LHX6: variants seen among roughly 807,000 people sequenced by gnomAD.
LHX6 encodes the protein LIM homeobox 6.
LHX6 carries 15 observed loss-of-function variants against 47.1 expected under a neutral mutation model. That is an observed-to-expected ratio of 0.32 (90% CI 0.21 to 0.49). LHX6 has a LOEUF of 0.49. LHX6 is among the 20% of genes least tolerant of loss of function. The pLI is 0.99. For missense variants in LHX6, 404 were observed against 539.6 expected, an observed-to-expected ratio of 0.75 and a Z score of 2.49; for synonymous variants, 242 against 233.5, an observed-to-expected ratio of 1.04 and a Z score of -0.33.
intron 5 of LHX6, among the ~76,000 whole-genome samples, chr9:122,215,836 A>G (rs1414491198): frequency 1.3e-5 from 2 of 152,140 alleles, no homozygotes; most frequent in African/African-American, 4.8e-5. Flanking sequence ...TGGGACCTAG[A>G]AGTTGAGGCA....
chr9:122,219,888 G>A (rs116765204), intron 4 of LHX6, among the ~76,000 whole-genome samples: 1 of 152,214 alleles, frequency 6.6e-6, no homozygotes, highest in Non-Finnish European at 1.5e-5. Context: ...GCAGCGCCGC[G>A]TCCTCTCTCC....
At chr9:122,216,665 G>T (rs1255805182) in intron 5 of LHX6, among the ~76,000 whole-genome samples, 1 of 152,200 alleles carries the variant, frequency 6.6e-6, no homozygotes, top group African/African-American at 2.4e-5. Flanking sequence ...GCCCAAGCCT[G>T]GTCCCAGGCA....
chr9:122,207,219 G>T (rs1047816124), intron 9 of LHX6, among the ~76,000 whole-genome samples: 1 of 152,188 alleles, frequency 6.6e-6, no homozygotes, highest in Admixed American at 6.5e-5. Context: ...GATGAGCACT[G>T]CTCTGTCTGA....
At chr9:122,207,115 A>AGC (rs1564431630) in intron 9 of LHX6, among the ~76,000 whole-genome samples, 4 of 152,162 alleles carry the variant, frequency 2.6e-5, no homozygotes, top group African/African-American at 9.7e-5. Flanking sequence ...GCCAGGTCTA[A>AGC]TAGGATGAAT....
chr9:122,207,625 G>A (rs1280840525), intron 9 of LHX6, among the ~76,000 whole-genome samples: 1 of 152,098 alleles, frequency 6.6e-6, no homozygotes, highest in Admixed American at 6.5e-5. Context: ...AGGATTTTAC[G>A]TTAGGCACTA....
At position 122,228,528 on chromosome 9, in the gene LHX6, C is replaced by T. The variant is rs116647157; in HGVS notation, c.84+129G>A. On this transcript the variant is annotated intron_variant, in intron 1 of 9. Coordinates refer to ENST00000394319, the MANE Select transcript of LHX6 (RefSeq NM_014368.5). ...GCGCGCGCGCTCCCACACTCACAAG[C>T]ACACACTCACAGGCGCACCCTCGTA... 6.3e-3 allele frequency: 8,625 copies of T among 1,364,584 alleles called. 366 individuals are homozygous for T. In the African/African-American group the frequency reaches 0.11, roughly 18 times the overall value. 84.5% of individuals were successfully genotyped at this position (1,364,584 alleles called of 1,614,324 possible). A position where few individuals can be genotyped will look rare whatever the true frequency, so the allele number is the denominator to read the frequency against.
intron 1 of LHX6, chr9:122,227,843 CAG>C (rs1831175134): frequency 2.9e-6 from 1 of 347,036 alleles, no homozygotes; most frequent in African/African-American, 2.2e-5. Flanking sequence ...AAGAGGTAGC[CAG>C]AGTGTCAATT....
intron 4 of LHX6, among the ~76,000 whole-genome samples, chr9:122,225,931 C>T (rs1302751894): frequency 6.6e-6 from 1 of 152,194 alleles, no homozygotes; most frequent in Non-Finnish European, 1.5e-5. Context: ...GTCCAGCCCG[C>T]GAGAGACCCC....
chr9:122,213,960 C>A lies in LHX6; in HGVS notation c.879+14G>T. On this transcript the variant is annotated intron_variant, in intron 7 of 9. Coordinates refer to ENST00000394319, the MANE Select transcript of LHX6 (RefSeq NM_014368.5). The surrounding 1 kb of genome is among the most constrained non-coding windows in gnomAD (Gnocchi z 5.5). ...GTGCCCGCGGTCCCCAGGCCCCGCC[C>A]ACCCCCGTCCCACCTGGATGACTCT... 1 of 1,531,766 alleles carries A rather than the reference C, an allele frequency of 6.5e-7. No individual in the cohort carries two copies. The highest frequency in any genetic ancestry group is 1.1e-5 in the South Asian group (1 of 89,414). 94.9% of individuals were successfully genotyped at this position (1,531,766 alleles called of 1,614,324 possible).
intron 5 of LHX6, among the ~76,000 whole-genome samples, chr9:122,216,501 T>C (rs1830598068): frequency 6.6e-6 from 1 of 152,226 alleles, no homozygotes; most frequent in Non-Finnish European, 1.5e-5. Context: ...CAACACAGTA[T>C]GGGAGAGCCT....
intron 4 of LHX6, among the ~76,000 whole-genome samples, chr9:122,218,823 T>G (rs761302907): frequency 1.9e-4 from 29 of 152,294 alleles, no homozygotes; most frequent in Non-Finnish European, 3.7e-4. Flanking sequence ...CAGGTCTTTA[T>G]GGCCTCCTCT....
chr9:122,217,049 G>A lies in LHX6; in HGVS notation c.682+19C>T, dbSNP rs942973360. On this transcript the variant is annotated intron_variant, in intron 5 of 9. Transcript: ENST00000394319. The surrounding 1 kb of genome is among the most constrained non-coding windows in gnomAD (Gnocchi z 4.9). ...GAAAGGGCTGGGGGCAGAGGTGCCA[G>A]GCGGAGCAGGTTGGGTACCGTTCTC... The A allele has an allele frequency of 2.5e-6, 4 of 1,607,852 alleles. No individual in the cohort carries two copies. Among genetic ancestry groups the A allele is most frequent in the African/African-American group, 2.7e-5 (2 of 74,798 alleles).
At position 122,204,792 on chromosome 9, in the gene LHX6, G is replaced by T; in HGVS notation, c.1159-12C>A. 6.4e-7 allele frequency: 1 copy of T among 1,573,508 alleles called. No homozygotes were observed. Among genetic ancestry groups the T allele is most frequent in the Non-Finnish European group, 8.6e-7 (1 of 1,158,390 alleles). ...TGAAAAAGGATGACCTGCAAGAGGA[G>T]GGCATGGGAGGTGGCTGAGCTGGGG... On this transcript the variant is annotated splice_polypyrimidine_tract_variant and intron_variant, in intron 9 of 9. Transcript: ENST00000394319.
chr9:122,223,551 T>C (rs1371413513), intron 4 of LHX6, among the ~76,000 whole-genome samples: 2 of 152,144 alleles, frequency 1.3e-5, no homozygotes, highest in Non-Finnish European at 2.9e-5. Context: ...CTTTGGCAGC[T>C]CTGGGAGACA....
intron 4 of LHX6, chr9:122,221,176 C>T: frequency 1.0e-6 from 1 of 985,416 alleles, no homozygotes; most frequent in Non-Finnish European, 1.2e-6. Context: ...TACCTATTCT[C>T]TCTGCTCCTT....
At chr9:122,227,521 T>C (rs1287376943) in intron 1 of LHX6, 41 bp from the exon 2 acceptor site, 5 of 1,522,902 alleles carry the variant, frequency 3.3e-6, no homozygotes, top group Admixed American at 2.0e-5. Context: ...CGGCGGCTGC[T>C]GAACTGGCTC....
rs1438175515 is a variant in LHX6, at chr9:122,214,798, C to A, written c.683-415G>T. Among the ~76,000 whole-genome samples the A allele has an allele frequency of 6.6e-6, 1 of 152,000 alleles. No individual in the cohort carries two copies. Among genetic ancestry groups the A allele is most frequent in the African/African-American group, 2.4e-5 (1 of 41,344 alleles). Reference sequence around the variant, plus strand: ...GAGGAGATAGGAAGCAAGCAAGTAACGGAACTATGCTCCTAATTTTATAAA... The same window carrying A: ...GAGGAGATAGGAAGCAAGCAAGTAAAGGAACTATGCTCCTAATTTTATAAA... On this transcript the variant is annotated intron_variant, in intron 5 of 9. Transcript: ENST00000394319. The surrounding 1 kb of genome is among the most constrained non-coding windows in gnomAD (Gnocchi z 4.6).
intron 1 of LHX6, 50 bp downstream of exon 1, chr9:122,228,607 C>A: frequency 7.5e-7 from 1 of 1,324,946 alleles, no homozygotes; most frequent in Non-Finnish European, 9.6e-7. Context: ...GGGTCCCGGA[C>A]CCTGCCCGAC....
Position 122,221,360 on chromosome 9 carries a change from C to G in LHX6, c.462-4072G>C, listed in dbSNP as rs550804100. 5.1e-4 allele frequency: 499 copies of G among 985,662 alleles called. 1 individual carries two copies. Among genetic ancestry groups the G allele is most frequent in the Middle Eastern group, 4.7e-3 (9 of 1,914 alleles). The allele number at this position is 985,662 out of a possible 1,614,324, so 61.1% of individuals were successfully genotyped here. On this transcript the variant is annotated intron_variant, in intron 4 of 9. Coordinates refer to ENST00000394319, the MANE Select transcript of LHX6 (RefSeq NM_014368.5). ...CCCCAACAGCTGGCCGCCGCTGGGC[C>G]GCTCTCTGCCGCGGTGGGGGGCCGC... is the stretch of plus-strand genomic sequence containing the variant.
Sources: allele counts gnomAD v4.1 joint callset (sites outside exome capture counted in the v4.1 genomes callset), GRCh38; gene constraint gnomAD v4.1.1; non-coding constraint Gnocchi (gnomAD v3.1); transcripts MANE v1.5; gene names NCBI Gene and HGNC (gene_info 2026-07-23, HGNC 2026-07-21).